RASGRP1: variants seen among roughly 807,000 people sequenced by gnomAD.
RASGRP1 encodes the protein RAS guanyl releasing protein 1.
Under a neutral mutation model 95.1 loss-of-function variants are expected in RASGRP1, and 37 were observed. The observed-to-expected ratio is 0.39, with a 90% CI of 0.30 to 0.51. The LOEUF (loss-of-function observed/expected upper bound fraction) is 0.51. RASGRP1 is among the 20% of genes least tolerant of loss of function. RASGRP1 has a pLI of 0.80. For synonymous variants in RASGRP1, 325 were observed against 353.4 expected, an observed-to-expected ratio of 0.92 and a Z score of 0.90; for missense variants, 711 against 965.4, an observed-to-expected ratio of 0.74 and a Z score of 3.49.
rs564400437 is a variant in RASGRP1, at chr15:38,508,253, G to A, written c.967-252C>T. ...TTATATAACTTAAACATTATAAATC[G>A]GGGTTTTATCATTTTTATGTTAAAA... On this transcript the variant is annotated intron_variant, in intron 8 of 16. Transcript: ENST00000310803. Among the ~76,000 whole-genome samples, 11 of 152,196 alleles carry A rather than the reference G, an allele frequency of 7.2e-5. 1 individual carries two copies. The South Asian group carries it at 1.0e-3, about 14-fold the overall frequency.
At chr15:38,558,944 G>T (rs770201715) in intron 2 of RASGRP1, among the ~76,000 whole-genome samples, 7 of 152,178 alleles carry the variant, frequency 4.6e-5, no homozygotes, top group Admixed American at 6.5e-5. Flanking sequence ...GGTAGGCTTG[G>T]GGGGGTTGGT....
intron 16 of RASGRP1, among the ~76,000 whole-genome samples, chr15:38,491,442 T>C (rs1890575409): frequency 1.3e-5 from 2 of 152,116 alleles, no homozygotes; most frequent in African/African-American, 4.8e-5. Context: ...ACCCTGAAAA[T>C]AGGTTGTATA....
chr15:38,524,742 G>A (rs1189151867), intron 3 of RASGRP1, among the ~76,000 whole-genome samples: 1 of 152,168 alleles, frequency 6.6e-6, no homozygotes, highest in Non-Finnish European at 1.5e-5. Context: ...TGAAGGGGAG[G>A]TAGGGTTAAG....
At position 38,511,616 on chromosome 15, in the gene RASGRP1, A is replaced by ATGTGGGACATGCGAACT; in HGVS notation, c.937_953dup (p.His318GlnfsTer16). 1 of 1,612,810 alleles carries ATGTGGGACATGCGAACT rather than the reference A, an allele frequency of 6.2e-7. No homozygotes were observed. Among genetic ancestry groups the ATGTGGGACATGCGAACT allele is most frequent in the Non-Finnish European group, 8.5e-7 (1 of 1,178,936 alleles). ...CAGTAGCACTGACCTTATTGATTTC[A>ATGTGGGACATGCGAACT]TGTGGGACATGCGAACTTGTCTCCT... On this transcript the variant is annotated frameshift_variant, in exon 8 of 17. Coordinates refer to ENST00000310803, the MANE Select transcript of RASGRP1 (RefSeq NM_005739.4). LOFTEE classifies it high-confidence loss of function.
At position 38,494,627 on chromosome 15, in the gene RASGRP1, C is replaced by T. The variant is rs1195277516; in HGVS notation, c.2014G>A (p.Ala672Thr). 6.4e-7 allele frequency: 1 copy of T among 1,558,420 alleles called. No homozygotes were observed. Among genetic ancestry groups the T allele is most frequent in the East Asian group, 2.3e-5 (1 of 43,756 alleles). ...LRLKRAVAHK[A>T]TQTESQPWIG... ...CAAGGCTGTGATTCAGTCTGGGTGG[C>T]CTTGTGGGCAACAGCCCTCTTCAGC... Residue 672 changes from alanine (A) to threonine (T), a missense_variant, in exon 16 of 17, where the codon GCC (alanine) becomes ACC (threonine). Physicochemically the swap from Ala to Thr is moderately conservative, Grantham distance 58. This residue lies in a region of RASGRP1 where 212 missense variants were observed against 247.8 expected (regional missense o/e 0.86). Coordinates refer to ENST00000310803, the MANE Select transcript of RASGRP1 (RefSeq NM_005739.4).
chr15:38,496,112 A>C (rs1187915406), intron 15 of RASGRP1, among the ~76,000 whole-genome samples: 1 of 152,214 alleles, frequency 6.6e-6, no homozygotes, highest in East Asian at 1.9e-4. Flanking sequence ...TGAGATTGAG[A>C]AAGATAGTAA....
At chr15:38,509,404 C>T (rs992390698) in intron 8 of RASGRP1, among the ~76,000 whole-genome samples, 1 of 152,170 alleles carries the variant, frequency 6.6e-6, no homozygotes, top group African/African-American at 2.4e-5. Flanking sequence ...AAGATTTCAT[C>T]ATGCTACTCA....
At position 38,490,414 on chromosome 15, in the gene RASGRP1, GTAAA is replaced by G. The variant is rs1405239337; in HGVS notation, c.*136_*139del. 2.4e-6 allele frequency: 2 copies of G among 846,096 alleles called. No homozygotes were observed. Among genetic ancestry groups the G allele is most frequent in the African/African-American group, 3.5e-5 (2 of 56,966 alleles). The allele number at this position is 846,096 out of a possible 1,614,324, so 52.4% of individuals were successfully genotyped here. A position where few individuals can be genotyped will look rare whatever the true frequency, so the allele number is the denominator to read the frequency against. ...GTGCTGCACATTAGGAATCTTTTAG[GTAAA>G]TAAACAGTAACAGGCTTTTCCTTTT... On this transcript the variant is annotated 3_prime_UTR_variant, in exon 17 of 17. Transcript: ENST00000310803.
Position 38,559,911 on chromosome 15 carries a change from T to C in RASGRP1, c.130A>G (p.Ile44Val), listed in dbSNP as rs1893735851. ...PFPSHPSLAH[I>V]TQFRMMVSLG... is the part of the protein sequence containing the mutation. ...GACACCATCATTCGGAACTGGGTGA[T>C]GTGGGCCAAGCTGGGATGGGAGGGG... The change falls in exon 2 of 17, where the codon ATC becomes GTC. Residue 44 changes from isoleucine (I) to valine (V), a missense_variant. By Grantham distance (29) the Ile-to-Val change is conservative (BLOSUM62 3). Coordinates refer to ENST00000310803, the MANE Select transcript of RASGRP1 (RefSeq NM_005739.4). 1 of 1,613,632 alleles carries C rather than the reference T, an allele frequency of 6.2e-7. No individual in the cohort carries two copies. The highest frequency in any genetic ancestry group is 8.5e-7 in the Non-Finnish European group (1 of 1,179,750).
Position 38,490,391 on chromosome 15 carries a change from G to T in RASGRP1, c.*163C>A. 1.5e-6 allele frequency: 1 copy of T among 669,616 alleles called. No individual in the cohort carries two copies. The highest frequency in any genetic ancestry group is 2.2e-6 in the Non-Finnish European group (1 of 457,098). The allele number at this position is 669,616 out of a possible 1,614,324, so 41.5% of individuals were successfully genotyped here. A position where few individuals can be genotyped will look rare whatever the true frequency, so the allele number is the denominator to read the frequency against. ...TCAACTAACTGAAAGAGAAAACAGT[G>T]CTGCACATTAGGAATCTTTTAGGTA... On this transcript the variant is annotated 3_prime_UTR_variant, in exon 17 of 17. Transcript: ENST00000310803.
At chr15:38,526,624 T>C (rs1349141696) in intron 2 of RASGRP1, among the ~76,000 whole-genome samples, 2 of 152,006 alleles carry the variant, frequency 1.3e-5, no homozygotes, top group Non-Finnish European at 2.9e-5. Context: ...CCTTTTCCTC[T>C]CCACAGTGGT....
intron 4 of RASGRP1, 111 bp from the exon 5 acceptor site, chr15:38,518,534 G>T: frequency 8.6e-7 from 1 of 1,158,668 alleles, no homozygotes; most frequent in Non-Finnish European, 1.2e-6. Flanking sequence ...AAAAGACAAA[G>T]TCTGATTCGT....
intron 2 of RASGRP1, among the ~76,000 whole-genome samples, chr15:38,529,569 A>G (rs891006621): frequency 6.6e-6 from 1 of 152,214 alleles, no homozygotes; most frequent in Non-Finnish European, 1.5e-5. Context: ...GAGTTTTCTC[A>G]TGGTACTTAC....
chr15:38,491,245 T>TA (rs771204788), intron 16 of RASGRP1, among the ~76,000 whole-genome samples: 19 of 152,212 alleles, frequency 1.2e-4, no homozygotes, highest in Non-Finnish European at 2.6e-4. Flanking sequence ...CCAGTGTTCT[T>TA]ATGTTATCCT....
rs753655987 is a variant in RASGRP1 at position 38,505,897 on chromosome 15, A to G, written c.1266T>C (p.Thr422=). Residue 422 remains threonine, a synonymous_variant, in exon 10 of 17, where the codon ACT becomes ACC. Transcript: ENST00000310803. ...AGGAAAGCTCATAGATTTCATCCTC[A>G]GTGTAGTAAAGATCCAGGGATAACT... ...LLTLSLDLYY[T]EDEIYELSYA... 2 of 1,611,420 alleles carry G rather than the reference A, an allele frequency of 1.2e-6. No individual in the cohort carries two copies. Among genetic ancestry groups the G allele is most frequent in the African/African-American group, 2.7e-5 (2 of 74,890 alleles).
intron 4 of RASGRP1, 106 bp downstream of exon 4, chr15:38,519,203 G>T (rs1891901910): frequency 3.5e-6 from 3 of 854,486 alleles, no homozygotes; most frequent in African/African-American, 3.4e-5. Context: ...TTTTCCATCT[G>T]TCCAAAGGTG....
chr15:38,496,742 G>A (rs944557573), intron 15 of RASGRP1, among the ~76,000 whole-genome samples: 1 of 152,104 alleles, frequency 6.6e-6, no homozygotes, highest in African/African-American at 2.4e-5. Context: ...AGATAGTAAG[G>A]GGAAAGATTT....
At chr15:38,530,468 AGG>A (rs1193116441) in intron 2 of RASGRP1, among the ~76,000 whole-genome samples, 2 of 152,192 alleles carry the variant, frequency 1.3e-5, no homozygotes, top group Admixed American at 1.3e-4. Context: ...CACAATTACA[AGG>A]GGTGGCTTTT....
chr15:38,555,834 G>A (rs1415844051), intron 2 of RASGRP1, among the ~76,000 whole-genome samples: 1 of 152,212 alleles, frequency 6.6e-6, no homozygotes, highest in Non-Finnish European at 1.5e-5. Flanking sequence ...CTCACTGGGA[G>A]TAGGAGGTCT....
Sources: allele counts gnomAD v4.1 joint callset (sites outside exome capture counted in the v4.1 genomes callset), GRCh38; gene constraint gnomAD v4.1.1; regional missense constraint gnomAD v4.1.1; transcripts MANE v1.5; gene names NCBI Gene and HGNC (gene_info 2026-07-23, HGNC 2026-07-21).